Variants in TFDP2 observed in about 807,000 individuals in gnomAD.
TFDP2 encodes transcription factor Dp-2.
TFDP2 carries 17 observed loss-of-function variants against 59.3 expected under a neutral mutation model. The observed-to-expected ratio is 0.29, with a 90% CI of 0.20 to 0.43. The LOEUF (loss-of-function observed/expected upper bound fraction) is 0.43. Among genes scored for constraint, TFDP2 ranks in the 20% least tolerant of loss-of-function variants. The pLI, the probability that TFDP2 is intolerant of heterozygous loss-of-function variation, is 1.00. For missense variants in TFDP2, 391 were observed against 528.8 expected, an observed-to-expected ratio of 0.74 and a Z score of 2.56; for synonymous variants, 180 against 194.7, an observed-to-expected ratio of 0.92 and a Z score of 0.63.
chr3:141,977,371 A>G (rs911862125), intron 7 of TFDP2, among the ~76,000 whole-genome samples: 18 of 150,508 alleles, frequency 1.2e-4, no homozygotes, highest in Non-Finnish European at 2.1e-4. Context: ...AAGGAGTTCA[A>G]AATCAGCCTG....
chr3:142,108,036 C>T (rs891506511), intron 1 of TFDP2, among the ~76,000 whole-genome samples: 2 of 151,948 alleles, frequency 1.3e-5, no homozygotes, highest in South Asian at 2.1e-4. Flanking sequence ...GAGTAGGTTG[C>T]GTGAAAGTTG....
intron 1 of TFDP2, among the ~76,000 whole-genome samples, chr3:142,148,313 G>C (rs1467879300): frequency 6.6e-6 from 1 of 152,168 alleles, no homozygotes; most frequent in East Asian, 1.9e-4. Flanking sequence ...GGCAGCTTCA[G>C]CAGTGAATAT....
At chr3:142,093,172 T>C (rs1239452683) in intron 2 of TFDP2, 45 bp from the exon 3 acceptor site, 1 of 1,347,690 alleles carries the variant, frequency 7.4e-7, no homozygotes. Context: ...TATTAAGTAG[T>C]ATGTGTTCAC....
intron 9 of TFDP2, among the ~76,000 whole-genome samples, chr3:141,964,277 CA>C (rs1937620821): frequency 6.6e-6 from 1 of 152,052 alleles, no homozygotes; most frequent in Non-Finnish European, 1.5e-5. Flanking sequence ...AGTTTGGGGT[CA>C]AATATGCCCC....
At chr3:142,147,731 T>C (rs1042418817) in intron 1 of TFDP2, among the ~76,000 whole-genome samples, 4 of 152,180 alleles carry the variant, frequency 2.6e-5, no homozygotes, top group African/African-American at 9.7e-5. Flanking sequence ...TGTCTACTCT[T>C]AGACTAGACT....
At chr3:141,992,915 A>C (rs1253201869) in intron 6 of TFDP2, among the ~76,000 whole-genome samples, 4 of 152,248 alleles carry the variant, frequency 2.6e-5, no homozygotes, top group African/African-American at 9.6e-5. Flanking sequence ...ACAGACTACA[A>C]GTGATTCTGA....
At chr3:142,127,938 C>A (rs187591174) in intron 1 of TFDP2, among the ~76,000 whole-genome samples, 1 of 152,094 alleles carries the variant, frequency 6.6e-6, no homozygotes, top group Non-Finnish European at 1.5e-5. Flanking sequence ...CAGTGGCTCA[C>A]ACTTACAATT....
intron 10 of TFDP2, among the ~76,000 whole-genome samples, chr3:141,960,535 G>A (rs928785878): frequency 1.3e-5 from 2 of 152,178 alleles, no homozygotes; most frequent in Non-Finnish European, 2.9e-5. Context: ...CCTTCATCAT[G>A]GGCCTCAGCC....
At position 141,949,128 on chromosome 3, in the gene TFDP2, A is replaced by G. The variant is rs1935627517; in HGVS notation, c.*3385T>C. The G allele has an allele frequency of 6.6e-6, 1 of 151,330 alleles. No homozygotes were observed. Among genetic ancestry groups the G allele is most frequent in the Non-Finnish European group, 1.5e-5 (1 of 67,930 alleles). The allele number at this position is 151,330 out of a possible 1,614,324, so 9.4% of individuals were successfully genotyped here. A position where few individuals can be genotyped will look rare whatever the true frequency, so the allele number is the denominator to read the frequency against. On this transcript the variant is annotated 3_prime_UTR_variant, in exon 13 of 13. Transcript: ENST00000489671. The stretch of plus-strand genomic sequence containing the variant: ...TTCCATTTGAATTCTGATAGGAGCT[A>G]CCTTGTTTTCAAGGACTGACTCTGG...
chr3:141,954,269 T>C (rs770167411), intron 11 of TFDP2, among the ~76,000 whole-genome samples: 7 of 152,242 alleles, frequency 4.6e-5, no homozygotes, highest in Non-Finnish European at 1.0e-4. Context: ...CAATTCTTAT[T>C]GTAATTTTAC....
intron 3 of TFDP2, among the ~76,000 whole-genome samples, chr3:142,025,926 T>C (rs939547001): frequency 1.3e-5 from 2 of 151,982 alleles, no homozygotes; most frequent in African/African-American, 4.8e-5. Context: ...ATCACACCAT[T>C]GCACTCCAGC....
chr3:142,145,993 T>G (rs1577084303), intron 1 of TFDP2, among the ~76,000 whole-genome samples: 1 of 152,188 alleles, frequency 6.6e-6, no homozygotes, highest in Non-Finnish European at 1.5e-5. Flanking sequence ...ATAATAAAAT[T>G]TTTTATCACC....
chr3:142,019,567 G>T (rs1038831903), intron 3 of TFDP2, among the ~76,000 whole-genome samples: 1 of 151,884 alleles, frequency 6.6e-6, no homozygotes, highest in Non-Finnish European at 1.5e-5. Context: ...TATCGTATAG[G>T]TTTTATATTT....
At chr3:142,115,315 CTTT>C (rs906368574) in intron 1 of TFDP2, among the ~76,000 whole-genome samples, 11,595 of 130,770 alleles carry the variant, frequency 0.089, 505 homozygotes, top group Middle Eastern at 0.15. Flanking sequence ...CACGCATTTT[CTTT>C]TTTTTTTTTT....
intron 4 of TFDP2, among the ~76,000 whole-genome samples, chr3:141,997,215 G>A (rs1249285945): frequency 6.6e-6 from 1 of 151,932 alleles, no homozygotes; most frequent in Admixed American, 6.6e-5. Flanking sequence ...TTACTAACTG[G>A]GATAAAATAC....
intron 1 of TFDP2, among the ~76,000 whole-genome samples, chr3:142,138,665 G>A (rs182699076): frequency 9.9e-5 from 15 of 152,158 alleles, no homozygotes; most frequent in African/African-American, 3.4e-4. Context: ...CAGTTTCCAC[G>A]TAATTGTGAG....
At chr3:142,056,467 C>A (rs1397285429) in intron 3 of TFDP2, among the ~76,000 whole-genome samples, 1 of 150,150 alleles carries the variant, frequency 6.7e-6, no homozygotes, top group Admixed American at 6.7e-5. Flanking sequence ...AAACTAAACC[C>A]AGAAAGGCTG....
chr3:141,997,473 A>G (rs1943370217), intron 4 of TFDP2, among the ~76,000 whole-genome samples: 1 of 152,036 alleles, frequency 6.6e-6, no homozygotes, highest in Admixed American at 6.6e-5. Context: ...TACCCTTGAA[A>G]CAGATTGTAT....
chr3:141,979,538 A>G (rs1941208252), intron 6 of TFDP2, among the ~76,000 whole-genome samples: 1 of 152,100 alleles, frequency 6.6e-6, no homozygotes. Flanking sequence ...GTGGAGGTGG[A>G]GGACAGTGAT....
Sources: allele counts gnomAD v4.1 joint callset (sites outside exome capture counted in the v4.1 genomes callset), GRCh38; gene constraint gnomAD v4.1.1; transcripts MANE v1.5; gene names NCBI Gene and HGNC (gene_info 2026-07-23, HGNC 2026-07-21).